Variants in CCBE1 observed in about 807,000 individuals in gnomAD.
The protein encoded by CCBE1 is collagen and calcium-binding EGF domain-containing protein 1.
A neutral mutation model predicts 50.0 loss-of-function variants in CCBE1; 37 were observed. The ratio of observed to expected loss-of-function variants is 0.74; its 90% CI spans 0.57 to 0.97. The LOEUF (loss-of-function observed/expected upper bound fraction) is 0.97. CCBE1 is among the 50% of genes least tolerant of loss of function. The pLI is 0.00. For synonymous variants in CCBE1, 234 were observed against 203.7 expected (o/e 1.15, Z -1.27); for missense variants, 538 against 523.8 (o/e 1.03, Z -0.26).
chr18:59,460,606 G>A lies in CCBE1; in HGVS notation c.554-5655C>T, dbSNP rs145958521. Among the ~76,000 whole-genome samples, 464 of 152,236 alleles carry A rather than the reference G, an allele frequency of 3.0e-3. 4 individuals carry two copies. Among genetic ancestry groups the A allele is most frequent in the African/African-American group, 0.011 (446 of 41,540 alleles). On this transcript the variant is annotated intron_variant, in intron 5 of 10. Coordinates refer to ENST00000439986, the MANE Select transcript of CCBE1 (RefSeq NM_133459.4). Reference sequence around the variant, plus strand: ...AAGTCCTCTGCTTAGAAGGTGTGGAGGCTGGGTATATTTCTTAGATGGAGG... The same window carrying A: ...AAGTCCTCTGCTTAGAAGGTGTGGAAGCTGGGTATATTTCTTAGATGGAGG...
intron 2 of CCBE1, among the ~76,000 whole-genome samples, chr18:59,592,754 G>A (rs761399830): frequency 6.6e-6 from 1 of 152,134 alleles, no homozygotes; most frequent in Non-Finnish European, 1.5e-5. Flanking sequence ...ATATAGTTTT[G>A]TTTAGTTTTG....
chr18:59,693,308 ATCT>A (rs1402475640), intron 2 of CCBE1, among the ~76,000 whole-genome samples: 1 of 152,092 alleles, frequency 6.6e-6, no homozygotes, highest in Non-Finnish European at 1.5e-5. Context: ...AATTTTTTAA[ATCT>A]TCTCCTTAAA....
At chr18:59,666,634 A>G (rs2054361055) in intron 2 of CCBE1, among the ~76,000 whole-genome samples, 1 of 151,688 alleles carries the variant, frequency 6.6e-6, no homozygotes, top group Admixed American at 6.6e-5. Flanking sequence ...GGGTGGGGGC[A>G]GGGAACAACA....
intron 2 of CCBE1, among the ~76,000 whole-genome samples, chr18:59,540,392 T>C (rs1915422413): frequency 2.6e-5 from 4 of 152,192 alleles, no homozygotes; most frequent in Admixed American, 2.6e-4. Flanking sequence ...TAAATTGAAA[T>C]AATTCAGAGT....
intron 2 of CCBE1, among the ~76,000 whole-genome samples, chr18:59,639,043 A>C (rs925477227): frequency 1.3e-5 from 2 of 152,188 alleles, no homozygotes; most frequent in Admixed American, 1.3e-4. Context: ...GGCATCCAAA[A>C]CTACAGGTCT....
At chr18:59,534,842 T>C (rs1370447209) in intron 2 of CCBE1, among the ~76,000 whole-genome samples, 2 of 152,138 alleles carry the variant, frequency 1.3e-5, no homozygotes, top group Non-Finnish European at 2.9e-5. Flanking sequence ...AGACCATGCA[T>C]ATAGAAATGC....
chr18:59,643,383 GT>G (rs1166385716), intron 2 of CCBE1, among the ~76,000 whole-genome samples: 2 of 152,166 alleles, frequency 1.3e-5, no homozygotes, highest in African/African-American at 4.8e-5. Context: ...AAAAGCAACT[GT>G]TTTGGAAGTT....
intron 2 of CCBE1, among the ~76,000 whole-genome samples, chr18:59,657,829 T>C (rs2054211338): frequency 6.6e-6 from 1 of 152,280 alleles, no homozygotes; most frequent in African/African-American, 2.4e-5. Flanking sequence ...AGGTGGAGGT[T>C]GCAGTGAGCC....
intron 2 of CCBE1, among the ~76,000 whole-genome samples, chr18:59,551,588 T>C (rs1303286559): frequency 6.6e-6 from 1 of 152,240 alleles, no homozygotes; most frequent in Non-Finnish European, 1.5e-5. Context: ...ATGCGGTCCA[T>C]CCTTGACAGA....
intron 2 of CCBE1, among the ~76,000 whole-genome samples, chr18:59,643,343 A>T (rs1229288768): frequency 1.3e-5 from 2 of 152,204 alleles, no homozygotes; most frequent in African/African-American, 4.8e-5. Context: ...ATTTGAAGGC[A>T]ATTTAGTGGG....
chr18:59,518,014 G>A (rs1285143042), intron 2 of CCBE1, among the ~76,000 whole-genome samples: 2 of 152,138 alleles, frequency 1.3e-5, no homozygotes, highest in African/African-American at 4.8e-5. Flanking sequence ...CTGGGAAGTT[G>A]GGGGCGGAGG....
At chr18:59,483,966 T>G (rs1912696359) in intron 2 of CCBE1, among the ~76,000 whole-genome samples, 1 of 152,140 alleles carries the variant, frequency 6.6e-6, no homozygotes, top group Non-Finnish European at 1.5e-5. Context: ...GTGTCCAGAG[T>G]GCTCTTATTA....
At chr18:59,470,906 C>T (rs1195793709) in intron 3 of CCBE1, among the ~76,000 whole-genome samples, 1 of 152,162 alleles carries the variant, frequency 6.6e-6, no homozygotes, top group Non-Finnish European at 1.5e-5. Flanking sequence ...CTCACGATGA[C>T]CTGGAAAGCT....
chr18:59,453,537 G>A (rs892543910), intron 6 of CCBE1, among the ~76,000 whole-genome samples: 4 of 152,114 alleles, frequency 2.6e-5, no homozygotes, highest in African/African-American at 7.2e-5. Flanking sequence ...CATCAGAGTC[G>A]TAAAAAAGGC....
Position 59,568,785 on chromosome 18 carries a change from G to C in CCBE1, c.213-88547C>G, listed in dbSNP as rs115318334. ...AGGTGAGCCCTGCAGGTGATCACCT[G>C]GACACCTCTGCCCATCTGTGAGAGT... is the stretch of plus-strand genomic sequence containing the variant. On this transcript the variant is annotated intron_variant, in intron 2 of 10. Coordinates refer to ENST00000439986, the MANE Select transcript of CCBE1 (RefSeq NM_133459.4). Among the ~76,000 whole-genome samples, 856 of 152,290 alleles carry C rather than the reference G, an allele frequency of 5.6e-3. 7 individuals are homozygous for C. Among genetic ancestry groups the C allele is most frequent in the African/African-American group, 0.019 (797 of 41,562 alleles).
chr18:59,521,643 C>T (rs1481749155), intron 2 of CCBE1, among the ~76,000 whole-genome samples: 2 of 152,166 alleles, frequency 1.3e-5, no homozygotes, highest in African/African-American at 2.4e-5. Context: ...AGGTGAAAAA[C>T]CAGATGACTT....
intron 2 of CCBE1, among the ~76,000 whole-genome samples, chr18:59,620,069 A>G (rs2053691527): frequency 6.6e-6 from 1 of 152,192 alleles, no homozygotes; most frequent in Non-Finnish European, 1.5e-5. Context: ...ATAGGAAAGG[A>G]AAGAGTTGGG....
At chr18:59,561,557 T>C (rs964723058) in intron 2 of CCBE1, among the ~76,000 whole-genome samples, 4 of 152,238 alleles carry the variant, frequency 2.6e-5, no homozygotes, top group African/African-American at 9.6e-5. Flanking sequence ...CTTAGCCCTA[T>C]GCCACTATTG....
At chr18:59,600,003 A>G (rs1479554783) in intron 2 of CCBE1, among the ~76,000 whole-genome samples, 1 of 152,208 alleles carries the variant, frequency 6.6e-6, no homozygotes, top group African/African-American at 2.4e-5. Flanking sequence ...GAGTTTTCCA[A>G]CAAAACTTTT....
Sources: allele counts gnomAD v4.1 joint callset (sites outside exome capture counted in the v4.1 genomes callset), GRCh38; gene constraint gnomAD v4.1.1; transcripts MANE v1.5; gene names NCBI Gene and HGNC (gene_info 2026-07-23, HGNC 2026-07-21).